Variants in SRD5A2 observed in about 807,000 individuals in gnomAD.
SRD5A2 encodes steroid 5 alpha-reductase 2, also known as 3-oxo-5-alpha-steroid 4-dehydrogenase 2.
In SRD5A2, 30 loss-of-function variants were observed where a neutral mutation model predicts 27.4. The ratio of observed to expected loss-of-function variants is 1.10; its 90% CI spans 0.82 to 1.49. The LOEUF (loss-of-function observed/expected upper bound fraction) is 1.49. Among genes scored for constraint, SRD5A2 ranks in the 40% most tolerant of loss-of-function variants. The pLI is 0.00. For synonymous variants in SRD5A2, 141 were observed against 133.6 expected (o/e 1.06, Z -0.38); for missense variants, 348 against 323.4 (o/e 1.08, Z -0.58).
the SRD5A2 span, among the ~76,000 whole-genome samples, chr2:31,661,435 A>C: frequency 3.3e-5 from 5 of 152,158 alleles, no homozygotes; most frequent in Non-Finnish European, 5.9e-5. Context: ...TCTTACACTG[A>C]GCAGTAAACA....
chr2:31,597,382 T>TA, the SRD5A2 span, among the ~76,000 whole-genome samples: 1,944 of 146,510 alleles, frequency 0.013, 29 homozygotes, highest in South Asian at 0.032. Flanking sequence ...GAAGATAAAA[T>TA]AAAAAAAAAA....
chr2:31,565,062 A>G (rs951947130), intron 1 of SRD5A2, among the ~76,000 whole-genome samples: 1 of 151,976 alleles, frequency 6.6e-6, no homozygotes, highest in Non-Finnish European at 1.5e-5. Context: ...CAACAATAAC[A>G]TAAGGGCAAG....
chr2:31,614,318 A>G, the SRD5A2 span, among the ~76,000 whole-genome samples: 4 of 152,222 alleles, frequency 2.6e-5, no homozygotes, highest in East Asian at 7.7e-4. Flanking sequence ...ATGAGTCCGA[A>G]GTCCAGTGGG....
Position 31,526,222 on chromosome 2 carries a change from T to C in SRD5A2, c.739A>G (p.Lys247Glu). ...KMFEDYPKSR[K>E]ALIPFIF is the part of the protein sequence containing the mutation. ...TAAAAGATGAATGGAATAAGGGCTTTCCGAGATTTGGGGTAGTCCTCAAAC... is the reference window on the plus strand; with the variant it reads ...TAAAAGATGAATGGAATAAGGGCTTCCCGAGATTTGGGGTAGTCCTCAAAC... Residue 247 changes from lysine to glutamate, a missense_variant, in exon 5 of 5, where the codon AAA becomes GAA. Physicochemically the swap from Lys to Glu is moderately conservative, Grantham distance 56. Coordinates refer to ENST00000622030, the MANE Select transcript of SRD5A2 (RefSeq NM_000348.4). 1 of 1,590,146 alleles carries C rather than the reference T, an allele frequency of 6.3e-7. No individual in the cohort carries two copies. Among genetic ancestry groups the C allele is most frequent in the South Asian group, 1.2e-5 (1 of 86,862 alleles).
intron 3 of SRD5A2, among the ~76,000 whole-genome samples, chr2:31,530,642 T>C (rs1410019586): frequency 6.6e-6 from 1 of 152,150 alleles, no homozygotes; most frequent in Non-Finnish European, 1.5e-5. Flanking sequence ...ATGTCATAAT[T>C]GAGGAAATTT....
chr2:31,585,257 A>G (rs945153720), upstream of SRD5A2, among the ~76,000 whole-genome samples: 1 of 152,198 alleles, frequency 6.6e-6, no homozygotes, highest in Non-Finnish European at 1.5e-5. Flanking sequence ...GACAAGTCCT[A>G]GTACTGAACT....
chr2:31,606,942 T>C, the SRD5A2 span, among the ~76,000 whole-genome samples: 1 of 152,014 alleles, frequency 6.6e-6, no homozygotes, highest in South Asian at 2.1e-4. Context: ...ATCTTTCACA[T>C]GCTTTCAATT....
chr2:31,568,299 G>T (rs962418472), intron 1 of SRD5A2, among the ~76,000 whole-genome samples: 1 of 152,184 alleles, frequency 6.6e-6, no homozygotes, highest in Non-Finnish European at 1.5e-5. Flanking sequence ...TTGTGTTACA[G>T]CTCTTTCAGT....
the SRD5A2 span, among the ~76,000 whole-genome samples, chr2:31,652,938 T>G: frequency 4.6e-5 from 7 of 152,316 alleles, no homozygotes; most frequent in Non-Finnish European, 1.0e-4. Flanking sequence ...TCTGCACTAT[T>G]GTGAGACTGG....
At chr2:31,630,319 G>A in the SRD5A2 span, among the ~76,000 whole-genome samples, 1 of 152,202 alleles carries the variant, frequency 6.6e-6, no homozygotes, top group Non-Finnish European at 1.5e-5. Flanking sequence ...GACAGAGAGA[G>A]AGAGAGAAAA....
chr2:31,624,919 C>A, the SRD5A2 span, among the ~76,000 whole-genome samples: 1 of 152,096 alleles, frequency 6.6e-6, no homozygotes, highest in Non-Finnish European at 1.5e-5. Flanking sequence ...GTTCTAGATC[C>A]TTGAGGAATC....
chr2:31,529,335 G>T lies in SRD5A2; in HGVS notation c.670C>A (p.Leu224Ile), dbSNP rs371607671. The part of the protein sequence containing the change: ...LAFAFFSLCF[L>I]GLRAFHHHRF... Reference sequence around the variant, plus strand: ...TGGTGGTGAAAAGCTCGCAGCCCAAGGAAACAAAGTGAGAAAAATGCAAAT... The same window carrying T: ...TGGTGGTGAAAAGCTCGCAGCCCAATGAAACAAAGTGAGAAAAATGCAAAT... Residue 224 changes from leucine to isoleucine, a missense_variant, in exon 4 of 5, where the codon CTT (leucine) becomes ATT (isoleucine). Coordinates refer to ENST00000622030, the MANE Select transcript of SRD5A2 (RefSeq NM_000348.4). 6.2e-7 allele frequency: 1 copy of T among 1,613,810 alleles called. No individual in the cohort carries two copies. Among genetic ancestry groups the T allele is most frequent in the Non-Finnish European group, 8.5e-7 (1 of 1,179,802 alleles).
upstream of SRD5A2, among the ~76,000 whole-genome samples, chr2:31,584,843 T>A (rs1375765089): frequency 6.6e-6 from 1 of 152,162 alleles, no homozygotes; most frequent in African/African-American, 2.4e-5. Flanking sequence ...GAACCAAAAC[T>A]CAAGTGAGCA....
the SRD5A2 span, among the ~76,000 whole-genome samples, chr2:31,599,396 G>A: frequency 1.3e-5 from 2 of 151,934 alleles, no homozygotes; most frequent in Non-Finnish European, 2.9e-5. Context: ...CTCAAAATGG[G>A]CCATATGTTA....
intron 4 of SRD5A2, among the ~76,000 whole-genome samples, chr2:31,527,897 C>T (rs1665818631): frequency 6.6e-6 from 1 of 152,162 alleles, no homozygotes; most frequent in African/African-American, 2.4e-5. Context: ...GTCATAACCC[C>T]AGGGTCCTGG....
intron 1 of SRD5A2, among the ~76,000 whole-genome samples, chr2:31,562,111 C>T (rs1283024758): frequency 6.6e-6 from 1 of 152,138 alleles, no homozygotes; most frequent in Non-Finnish European, 1.5e-5. Context: ...TGCCATTTCT[C>T]TGAGCTATAA....
intron 1 of SRD5A2, among the ~76,000 whole-genome samples, chr2:31,571,895 G>A (rs746132761): frequency 6.6e-6 from 1 of 152,088 alleles, no homozygotes; most frequent in African/African-American, 2.4e-5. Context: ...ATGGAGAAAA[G>A]GGAACGCCTA....
At chr2:31,607,628 T>TA in the SRD5A2 span, among the ~76,000 whole-genome samples, 1 of 152,060 alleles carries the variant, frequency 6.6e-6, no homozygotes, top group Non-Finnish European at 1.5e-5. Flanking sequence ...CAATAAATGT[T>TA]AAAGTTCTTC....
chr2:31,552,744 C>T (rs558934131), intron 1 of SRD5A2, among the ~76,000 whole-genome samples: 9 of 152,158 alleles, frequency 5.9e-5, no homozygotes, highest in African/African-American at 9.7e-5. Context: ...GTGAGAGGCT[C>T]TCCAAATCTC....
Sources: gnomAD v4.1 joint callset for allele counts (sites outside exome capture counted in the v4.1 genomes callset) on GRCh38, gnomAD v4.1.1 for gene constraint, MANE v1.5 for transcripts, NCBI Gene and HGNC (gene_info 2026-07-23, HGNC 2026-07-21) for gene names.